Variants in MAP3K19 observed in about 807,000 individuals in gnomAD.
The protein encoded by MAP3K19 is SPS1/STE20-related protein kinase YSK4.
In MAP3K19, 91 loss-of-function variants were observed where a neutral mutation model predicts 114.4. The observed-to-expected ratio is 0.80, with a 90% CI of 0.67 to 0.95. MAP3K19 has a LOEUF of 0.95. Among genes scored for constraint, MAP3K19 ranks in the 40% least tolerant of loss-of-function variants. The pLI, the probability that MAP3K19 is intolerant of heterozygous loss-of-function variation, is 0.00. For missense variants in MAP3K19, 1,471 were observed against 1,573.2 expected (o/e 0.94, Z 1.10); for synonymous variants, 518 against 530.5 (o/e 0.98, Z 0.32).
intron 2 of MAP3K19, among the ~76,000 whole-genome samples, chr2:135,036,905 GC>G (rs1688543475): frequency 1.3e-5 from 2 of 152,094 alleles, no homozygotes; most frequent in Admixed American, 1.3e-4. Flanking sequence ...ATTGGCAAGA[GC>G]AGTTTCAATG....
At chr2:135,042,501 CAAAAAAA>C (rs1168430275) in intron 1 of MAP3K19, among the ~76,000 whole-genome samples, 43 of 58,798 alleles carry the variant, frequency 7.3e-4, no homozygotes, top group African/African-American at 1.0e-3. Context: ...GACTCTGTCT[CAAAAAAA>C]AAAAAAAAAA....
At chr2:135,046,045 C>A (rs571977412) in intron 1 of MAP3K19, among the ~76,000 whole-genome samples, 3 of 152,250 alleles carry the variant, frequency 2.0e-5, no homozygotes, top group Middle Eastern at 3.4e-3. Context: ...CCACCTCAGC[C>A]TCCCAGATAA....
intron 12 of MAP3K19, among the ~76,000 whole-genome samples, chr2:134,973,999 T>G (rs150171872): frequency 0.011 from 1,676 of 152,290 alleles, 34 homozygotes; most frequent in African/African-American, 0.037. Context: ...AAACTTTTTT[T>G]TTTGTTTGTT....
At chr2:135,029,429 A>G (rs886117071) in intron 3 of MAP3K19, among the ~76,000 whole-genome samples, 2 of 152,194 alleles carry the variant, frequency 1.3e-5, no homozygotes, top group African/African-American at 4.8e-5. Context: ...CAACTGCTGG[A>G]AACACCATTA....
intron 12 of MAP3K19, among the ~76,000 whole-genome samples, chr2:134,980,252 A>G (rs1426542381): frequency 6.6e-6 from 1 of 152,226 alleles, no homozygotes; most frequent in Admixed American, 6.5e-5. Flanking sequence ...ACCTGGCTAA[A>G]AATTTGAAAA....
chr2:135,029,273 G>A (rs974599740), intron 3 of MAP3K19, among the ~76,000 whole-genome samples: 7 of 152,182 alleles, frequency 4.6e-5, no homozygotes, highest in African/African-American at 1.7e-4. Flanking sequence ...CTACTCCAGA[G>A]GCTGAGGTGG....
chr2:135,015,197 G>T (rs1459974981), intron 5 of MAP3K19, among the ~76,000 whole-genome samples: 1 of 152,142 alleles, frequency 6.6e-6, no homozygotes, highest in Non-Finnish European at 1.5e-5. Context: ...CTACATCCTT[G>T]TCAACACTTG....
At position 134,988,185 on chromosome 2, in the gene MAP3K19, C is replaced by T; in HGVS notation, c.687G>A (p.Lys229=). The change falls in exon 10 of 13, where the codon AAG becomes AAA. Residue 229 remains lysine, a synonymous_variant. Coordinates refer to ENST00000392915, the MANE Select transcript of MAP3K19 (RefSeq NM_025052.5). The part of the protein sequence containing the change: ...SGVLTIPQNH[K]FPKEKERNIP... Reference sequence around the variant, plus strand: ...TGTTTCTTTCTTTTTCTTTTGGAAACTTGTGATTTTGGGGGATAGTAAGGA... The same window carrying T: ...TGTTTCTTTCTTTTTCTTTTGGAAATTTGTGATTTTGGGGGATAGTAAGGA... 6.2e-7 allele frequency: 1 copy of T among 1,612,212 alleles called. No individual in the cohort carries two copies. Among genetic ancestry groups the T allele is most frequent in the Non-Finnish European group, 8.5e-7 (1 of 1,179,374 alleles).
In MAP3K19 at chr2:134,986,176, T is replaced by A. The variant is rs1685087030; in HGVS notation, c.2696A>T (p.His899Leu). 1 of 1,613,586 alleles carries A rather than the reference T, an allele frequency of 6.2e-7. No homozygotes were observed. Among genetic ancestry groups the A allele is most frequent in the South Asian group, 1.1e-5 (1 of 90,904 alleles). Residue 899 changes from histidine (H) to leucine (L), a missense_variant, in exon 10 of 13, where the codon CAC becomes CTC. By Grantham distance (99) the His-to-Leu change is moderately conservative. Coordinates refer to ENST00000392915, the MANE Select transcript of MAP3K19 (RefSeq NM_025052.5). Reference protein sequence around the residue: ...NDLEFDSVSDHSKTLTNFSFQ... With the variant: ...NDLEFDSVSDLSKTLTNFSFQ... ...AGAGAAATTTGTAAGTGTTTTAGAG[T>A]GATCTGAAACACTATCAAACTCTAG...
chr2:135,020,580 C>T (rs2105366390), intron 5 of MAP3K19, among the ~76,000 whole-genome samples: 1 of 152,360 alleles, frequency 6.6e-6, no homozygotes, highest in East Asian at 1.9e-4. Context: ...TCACAAACTG[C>T]TGGAATTACA....
chr2:135,042,953 C>T (rs756314957), intron 1 of MAP3K19, among the ~76,000 whole-genome samples: 62 of 151,714 alleles, frequency 4.1e-4, no homozygotes, highest in Admixed American at 3.0e-3. Context: ...TGTGGTGGCG[C>T]GCACCTGTAA....
At chr2:134,995,190 C>A (rs907028725) in intron 8 of MAP3K19, among the ~76,000 whole-genome samples, 8 of 151,940 alleles carry the variant, frequency 5.3e-5, no homozygotes, top group African/African-American at 1.7e-4. Context: ...GTGGTGCATG[C>A]CTGTAGTCCC....
chr2:134,968,594 G>T lies in MAP3K19; in HGVS notation c.3921-3678C>A, dbSNP rs1446891965. 4.6e-5 allele frequency among the ~76,000 whole-genome samples: 7 copies of T among 150,578 alleles called. No homozygotes were observed. The South Asian group carries it at 1.0e-3, about 23-fold the overall frequency. ...CGGAGGGGCTCCTCACTTCTCAGAC[G>T]GGGCGGTTGCCAGGCAGAGGGTCTC... On this transcript the variant is annotated intron_variant, in intron 12 of 12. Transcript: ENST00000392915.
At chr2:135,045,257 T>C (rs1688720916) in intron 1 of MAP3K19, among the ~76,000 whole-genome samples, 1 of 152,216 alleles carries the variant, frequency 6.6e-6, no homozygotes, top group African/African-American at 2.4e-5. Flanking sequence ...TTGCTGTCAC[T>C]TAATCATCAT....
At chr2:135,005,290 T>C (rs1261743685) in intron 6 of MAP3K19, 145 bp downstream of exon 6, 1 of 613,554 alleles carries the variant, frequency 1.6e-6, no homozygotes, top group Non-Finnish European at 2.9e-6. Context: ...TTTTTCCTGA[T>C]CCTCTCCCTC....
At position 134,980,969 on chromosome 2, in the gene MAP3K19, A is replaced by G; in HGVS notation, c.3772T>C (p.Phe1258Leu). 6.2e-7 allele frequency: 1 copy of G among 1,614,162 alleles called. No individual in the cohort carries two copies. The highest frequency in any genetic ancestry group is 1.1e-5 in the South Asian group (1 of 91,082). Residue 1258 changes from phenylalanine to leucine, a missense_variant, in exon 12 of 13, where the codon TTT (phenylalanine) becomes CTT (leucine). By Grantham distance (22) the Phe-to-Leu change is conservative. Transcript: ENST00000392915. The stretch of plus-strand genomic sequence containing the variant: ...GGAGGCTTCCCTGTAGCCATCTCAA[A>G]CACAGTACAACCAATGCTCCAGATA... ...SDIWSIGCTVFEMATGKPPLA... is the reference protein window; with the variant it reads ...SDIWSIGCTVLEMATGKPPLA...
At chr2:134,975,010 A>T (rs1284046552) in intron 12 of MAP3K19, among the ~76,000 whole-genome samples, 2 of 152,120 alleles carry the variant, frequency 1.3e-5, no homozygotes, top group East Asian at 3.9e-4. Context: ...TAAGTCTGTG[A>T]TTGTTAGTGG....
chr2:135,028,370 A>G (rs1401156291), intron 3 of MAP3K19, among the ~76,000 whole-genome samples: 1 of 152,094 alleles, frequency 6.6e-6, no homozygotes, highest in Non-Finnish European at 1.5e-5. Flanking sequence ...AGCCTGGGCA[A>G]CATGGCAAAA....
intron 3 of MAP3K19, among the ~76,000 whole-genome samples, chr2:135,025,159 G>A (rs1023153712): frequency 6.6e-6 from 1 of 151,426 alleles, no homozygotes; most frequent in Admixed American, 6.6e-5. Flanking sequence ...TAGCTCACTT[G>A]ATTTTTTTCT....
Sources: allele counts gnomAD v4.1 joint callset (sites outside exome capture counted in the v4.1 genomes callset), GRCh38; gene constraint gnomAD v4.1.1; transcripts MANE v1.5; gene names NCBI Gene and HGNC (gene_info 2026-07-23, HGNC 2026-07-21).